Variants in BPTF observed in about 807,000 individuals in gnomAD.
BPTF encodes the protein nucleosome-remodeling factor subunit BPTF.
A neutral mutation model predicts 292.5 loss-of-function variants in BPTF; 18 were observed. The observed-to-expected ratio is 0.06, with a 90% CI of 0.04 to 0.09. BPTF has a LOEUF of 0.09. BPTF is among the 10% of genes least tolerant of loss of function. The pLI is 1.00. For missense variants in BPTF, 2,726 were observed against 3,498.7 expected (o/e 0.78, Z 5.57); for synonymous variants, 1,225 against 1,251.9 (o/e 0.98, Z 0.45).
At chr17:67,889,052 T>A (rs1172289439) in intron 4 of BPTF, among the ~76,000 whole-genome samples, 1 of 152,206 alleles carries the variant, frequency 6.6e-6, no homozygotes, top group African/African-American at 2.4e-5. Flanking sequence ...CCAATAGTCC[T>A]AGTCCTCAGG....
intron 23 of BPTF, among the ~76,000 whole-genome samples, chr17:67,954,851 C>T (rs781798738): frequency 1.1e-4 from 16 of 152,174 alleles, no homozygotes; most frequent in Non-Finnish European, 1.8e-4. Flanking sequence ...GAAGTTCAGT[C>T]TCTCTCTATA....
chr17:67,927,473 TAGA>T (rs1208240560), intron 15 of BPTF, among the ~76,000 whole-genome samples: 2 of 152,242 alleles, frequency 1.3e-5, no homozygotes, highest in South Asian at 2.1e-4. Flanking sequence ...GAATGTATAA[TAGA>T]AGAAGTCTAG....
At chr17:67,828,982 T>C (rs2056385050) in intron 1 of BPTF, among the ~76,000 whole-genome samples, 1 of 152,256 alleles carries the variant, frequency 6.6e-6, no homozygotes, top group African/African-American at 2.4e-5. Context: ...ATTGGTTGGA[T>C]AAATTATTGT....
Position 67,826,208 on chromosome 17 carries a change from G to C in BPTF, c.484G>C (p.Glu162Gln). The change falls in exon 1 of 28, where the codon GAG becomes CAG. Residue 162 changes from glutamate to glutamine, a missense_variant. Glu to Gln is a conservative substitution (Grantham distance 29). Around this residue, in one of 22 missense-constraint regions of BPTF, gnomAD observed 153 missense variants for 178.3 expected, o/e 0.86. Transcript: ENST00000306378. The part of the protein sequence containing the change: ...AEETQDSEDD[E>Q]EDEMEEDDDD... Reference sequence around the variant, plus strand: ...GGAGACCCAGGATTCTGAGGACGACGAGGAGGATGAGATGGAAGAGGACGA... The same window carrying C: ...GGAGACCCAGGATTCTGAGGACGACCAGGAGGATGAGATGGAAGAGGACGA... The C allele has an allele frequency of 1.2e-6, 2 of 1,611,702 alleles. No homozygotes were observed. Among genetic ancestry groups the C allele is most frequent in the Middle Eastern group, 1.8e-4 (1 of 5,712 alleles).
At chr17:67,921,446 T>C (rs2063434557) in intron 13 of BPTF, among the ~76,000 whole-genome samples, 1 of 151,478 alleles carries the variant, frequency 6.6e-6, no homozygotes, top group African/African-American at 2.4e-5. Flanking sequence ...GAATCACTTA[T>C]ACCCAGGGGG....
rs782313395 is a variant in BPTF, at chr17:67,946,286, C to A, written c.7578C>A (p.Thr2526=). 11 of 1,613,936 alleles carry A rather than the reference C, an allele frequency of 6.8e-6. No individual in the cohort carries two copies. Among genetic ancestry groups the A allele is most frequent in the Non-Finnish European group, 8.5e-6 (10 of 1,179,966 alleles). Residue 2526 remains threonine (T), a synonymous_variant, in exon 21 of 28, where the codon ACC becomes ACA. Transcript: ENST00000306378. ...AGATAGAAATTAAGCGTGAACACACCCTCCAAGCTTCTAATCAAAGTGAAA... is the reference window on the plus strand; with the variant it reads ...AGATAGAAATTAAGCGTGAACACACACTCCAAGCTTCTAATCAAAGTGAAA... The part of the protein sequence containing the change: ...QQQIEIKREH[T]LQASNQSEII...
intron 23 of BPTF, among the ~76,000 whole-genome samples, chr17:67,952,469 GCCAAGCTGGTCTTGAA>G (rs2066470478): frequency 6.6e-6 from 1 of 151,944 alleles, no homozygotes; most frequent in South Asian, 2.1e-4. Context: ...CACCATGTTA[GCCAAGCTGGTCTTGAA>G]CTCCTGACCT....
intron 3 of BPTF, among the ~76,000 whole-genome samples, chr17:67,867,988 A>G (rs943712152): frequency 1.2e-4 from 18 of 152,268 alleles, no homozygotes; most frequent in Non-Finnish European, 2.4e-4. Context: ...CAATATCTAC[A>G]TAAATTATTT....
chr17:67,980,815 A>G (rs1470174494), intron 27 of BPTF, among the ~76,000 whole-genome samples: 15 of 152,208 alleles, frequency 9.9e-5, no homozygotes, highest in African/African-American at 3.4e-4. Context: ...CATAATTTTC[A>G]TTAAAGCACA....
chr17:67,839,357 A>G (rs1460547128), intron 1 of BPTF, among the ~76,000 whole-genome samples: 4 of 151,660 alleles, frequency 2.6e-5, no homozygotes, highest in Admixed American at 2.0e-4. Flanking sequence ...AGCTATGGCT[A>G]TTGTATTTTG....
At chr17:67,874,430 G>A (rs1286931344) in intron 3 of BPTF, among the ~76,000 whole-genome samples, 1 of 152,166 alleles carries the variant, frequency 6.6e-6, no homozygotes, top group South Asian at 2.1e-4. Flanking sequence ...AGTGGGTTTT[G>A]GGTTTCTAGG....
rs1461094254 is a variant in BPTF at position 67,928,469 on chromosome 17, G to T, written c.5866G>T (p.Gly1956Cys). Reference sequence around the variant, plus strand: ...GAAGGTTATGGTGGCCCCCATAAGTGGCTCAGTTACAACTGGAACCAAAAT... The same window carrying T: ...GAAGGTTATGGTGGCCCCCATAAGTTGCTCAGTTACAACTGGAACCAAAAT... ...AQKVMVAPIS[G>C]SVTTGTKMVL... Residue 1956 changes from glycine (G) to cysteine (C), a missense_variant, in exon 16 of 28, where the codon GGC (glycine) becomes TGC (cysteine). Transcript: ENST00000306378. 1.9e-6 allele frequency: 3 copies of T among 1,614,116 alleles called. No individual in the cohort carries two copies. The South Asian group carries it at 3.3e-5, about 18-fold the overall frequency.
Position 67,959,666 on chromosome 17 carries a change from A to ACCCCCCCC in BPTF, c.8054_8055insCCCCCCCC (p.Ser2686ProfsTer46). Reference sequence around the variant, plus strand: ...CTCCTCCAGCCCCTCCAGCCCCTCCACCTTCACCTCCCCCTCCACCTGCTG... The same window carrying ACCCCCCCC: ...CTCCTCCAGCCCCTCCAGCCCCTCCACCCCCCCCCCTTCACCTCCCCCTCCACCTGCTG... On this transcript the variant is annotated frameshift_variant, in exon 24 of 28. Transcript: ENST00000306378. LOFTEE classifies it high-confidence loss of function. 6.5e-7 allele frequency: 1 copy of ACCCCCCCC among 1,534,454 alleles called. No homozygotes were observed. The highest frequency in any genetic ancestry group is 8.8e-7 in the Non-Finnish European group (1 of 1,140,844).
rs2059978497 is a variant in BPTF, at chr17:67,875,150, A to G, written c.1864+130A>G. The G allele has an allele frequency of 5.2e-6, 4 of 762,630 alleles. No individual in the cohort carries two copies. The South Asian group carries it at 5.8e-5, about 11-fold the overall frequency. 47.2% of individuals were successfully genotyped at this position (762,630 alleles called of 1,614,324 possible). On this transcript the variant is annotated intron_variant, in intron 4 of 27. Coordinates refer to ENST00000306378, the MANE Select transcript of BPTF (RefSeq NM_182641.4). The stretch of plus-strand genomic sequence containing the variant: ...ATTTAATATTTCTAAAGAGATCAGG[A>G]TACCGTCCCCTCTTATAACGTGTGT...
At chr17:67,870,715 T>C (rs1271164741) in intron 3 of BPTF, among the ~76,000 whole-genome samples, 1 of 145,770 alleles carries the variant, frequency 6.9e-6, no homozygotes, top group Non-Finnish European at 1.6e-5. Context: ...AATTGTAGCC[T>C]GTCTGATGAC....
At chr17:67,883,017 A>G (rs76643626) in intron 4 of BPTF, among the ~76,000 whole-genome samples, 25 of 146,028 alleles carry the variant, frequency 1.7e-4, no homozygotes, top group Middle Eastern at 3.6e-3. Context: ...AAAAAAAAAA[A>G]AAAGAAAAGA....
intron 3 of BPTF, among the ~76,000 whole-genome samples, chr17:67,870,895 A>G (rs1346709781): frequency 6.4e-5 from 9 of 141,118 alleles, no homozygotes; most frequent in African/African-American, 2.1e-4. Context: ...TCAGCCTCCC[A>G]AGTAGCTGGG....
At chr17:67,931,836 A>C in intron 17 of BPTF, 75 bp from the exon 18 acceptor site, 1 of 1,049,760 alleles carries the variant, frequency 9.5e-7, no homozygotes, top group Non-Finnish European at 1.4e-6. Flanking sequence ...ATGTTTAAAG[A>C]TCTTGTGTTC....
chr17:67,835,663 A>ATT (rs142633440), intron 1 of BPTF, among the ~76,000 whole-genome samples: 180 of 141,206 alleles, frequency 1.3e-3, no homozygotes, highest in East Asian at 4.4e-3. Flanking sequence ...AGTCCTGGTA[A>ATT]TTTTTTTTTT....
Sources: gnomAD v4.1 joint callset for allele counts (sites outside exome capture counted in the v4.1 genomes callset) on GRCh38, gnomAD v4.1.1 for gene constraint, gnomAD v4.1.1 regional missense constraint, MANE v1.5 for transcripts, NCBI Gene and HGNC (gene_info 2026-07-23, HGNC 2026-07-21) for gene names.